Variants in HES6 observed in about 807,000 individuals in gnomAD.
HES6 encodes hes family bHLH transcription factor 6, also known as transcription cofactor HES-6.
In HES6, 24 loss-of-function variants were observed where a neutral mutation model predicts 16.4. The observed-to-expected ratio is 1.46, with a 90% confidence interval of 1.06 to 2.06. The LOEUF (loss-of-function observed/expected upper bound fraction) is 2.06. Ranked by LOEUF, HES6 falls within the 30% of genes most tolerant of loss-of-function variation. HES6 has a pLI of 0.00. For missense variants in HES6, 355 were observed against 317.6 expected (o/e 1.12, Z -0.90); for synonymous variants, 159 against 144.3 (o/e 1.10, Z -0.73).
Position 238,239,527 on chromosome 2 carries a change from C to T in HES6, c.210G>A (p.Thr70=). 1.5e-6 allele frequency: 2 copies of T among 1,330,404 alleles called. No homozygotes were observed. Among genetic ancestry groups the T allele is most frequent in the Non-Finnish European group, 9.6e-7 (1 of 1,037,836 alleles). 82.4% of individuals were successfully genotyped at this position (1,330,404 alleles called of 1,614,324 possible). Residue 70 remains threonine, a synonymous_variant, in exon 3 of 4, where the codon ACG becomes ACA. Transcript: ENST00000272937. ...GCAGCACACCCTGGACCCGCCGCAC[C>T]GTCAGCTCCAGCACTTCGGCGTTCT... ...KLENAEVLEL[T]VRRVQGVLRG...
rs1053064491 is a variant in HES6, at chr2:238,239,595, C to G, written c.169-27G>C. ...TGCGCGGGCGGGAAGGGCGGTGAGC[C>G]GGCAGCGCGCTCCCGGACCCGCCCG... is the stretch of plus-strand genomic sequence containing the variant. On this transcript the variant is annotated intron_variant, in intron 2 of 3. Transcript: ENST00000272937. The G allele has an allele frequency of 1.6e-4, 185 of 1,190,268 alleles. No homozygotes were observed. In the African/African-American group the frequency reaches 2.7e-3, roughly 17 times the overall value. The allele number at this position is 1,190,268 out of a possible 1,614,324, so 73.7% of individuals were successfully genotyped here. A position where few individuals can be genotyped will look rare whatever the true frequency, so the allele number is the denominator to read the frequency against.
chr2:238,239,144 T>C lies in HES6; in HGVS notation c.358A>G (p.Thr120Ala), dbSNP rs1245379073. Residue 120 changes from threonine to alanine, a missense_variant, in exon 4 of 4, where the codon ACC becomes GCC. By Grantham distance (58) the Thr-to-Ala change is moderately conservative. Transcript: ENST00000272937. ...FVSTCQAIDA[T>A]VAAELLNHLL... ...TGGTTCAGGAGCTCGGCAGCGACGG[T>C]AGCGTCGATGGCCTGGCACGTGGAC... The C allele has an allele frequency of 1.9e-6, 3 of 1,612,566 alleles. No individual in the cohort carries two copies. The highest frequency in any genetic ancestry group is 1.3e-5 in the African/African-American group (1 of 75,054).
Position 238,239,469 on chromosome 2 carries a change from C to T in HES6, c.250+18G>A. 1.6e-6 allele frequency: 2 copies of T among 1,281,292 alleles called. No homozygotes were observed. Among genetic ancestry groups the T allele is most frequent in the Non-Finnish European group, 9.8e-7 (1 of 1,020,724 alleles). 79.4% of individuals were successfully genotyped at this position (1,281,292 alleles called of 1,614,324 possible). ...GGCGCCCGCGGCCGGCGCCCCCGCC[C>T]GCCCCGCCGCCACTCACCGCGCGCC... On this transcript the variant is annotated intron_variant, in intron 3 of 3. Transcript: ENST00000272937.
Position 238,238,892 on chromosome 2 carries a change from C to A in HES6, c.610G>T (p.Val204Leu). ...SQAPAEGPDL[V>L]PAALGSLTTA... ...GTCAGGCTGCCCAGGGCTGCGGGCA[C>A]CAAGTCGGGCCCCTCAGCAGGAGCC... The change falls in exon 4 of 4, where the codon GTG becomes TTG. Residue 204 changes from valine (V) to leucine (L), a missense_variant. Val to Leu is a conservative substitution (Grantham distance 32, BLOSUM62 1). Coordinates refer to ENST00000272937, the MANE Select transcript of HES6 (RefSeq NM_018645.6). 6.3e-7 allele frequency: 1 copy of A among 1,580,982 alleles called. No homozygotes were observed. The highest frequency in any genetic ancestry group is 2.3e-5 in the East Asian group (1 of 43,250).
chr2:238,239,611 G>GGGGGCCCCC, intron 2 of HES6, 43 bp from the exon 3 acceptor site: 11 of 1,135,622 alleles, frequency 9.7e-6, no homozygotes, highest in South Asian at 3.9e-5. Flanking sequence ...CGCGCTCCCG[G>GGGGGCCCCC]ACCCGCCCGC....
intron 2 of HES6, 43 bp from the exon 3 acceptor site, chr2:238,239,611 G>GGGGCCCC: frequency 2.8e-5 from 32 of 1,135,532 alleles, no homozygotes; most frequent in East Asian, 4.6e-5. Context: ...CGCGCTCCCG[G>GGGGCCCC]ACCCGCCCGC....
chr2:238,239,570 T>C lies in HES6; in HGVS notation c.169-2A>G, dbSNP rs1465623221. 2.4e-6 allele frequency: 3 copies of C among 1,238,322 alleles called. No individual in the cohort carries two copies. The highest frequency in any genetic ancestry group is 3.0e-6 in the Non-Finnish European group (3 of 988,870). 76.7% of individuals were successfully genotyped at this position (1,238,322 alleles called of 1,614,324 possible). A position where few individuals can be genotyped will look rare whatever the true frequency, so the allele number is the denominator to read the frequency against. On this transcript the variant is annotated splice_acceptor_variant, in intron 2 of 3. Coordinates refer to ENST00000272937, the MANE Select transcript of HES6 (RefSeq NM_018645.6). LOFTEE classifies it high-confidence loss of function. ...GGCGTTCTCCAGCTTGGCCTGCACC[T>C]GCGCGGGCGGGAAGGGCGGTGAGCC...
chr2:238,239,741 TC>T lies in HES6; in HGVS notation c.87del (p.Lys30SerfsTer40). 1 of 1,387,282 alleles carries T rather than the reference TC, an allele frequency of 7.2e-7. No homozygotes were observed. The highest frequency in any genetic ancestry group is 9.4e-7 in the Non-Finnish European group (1 of 1,063,382). 85.9% of individuals were successfully genotyped at this position (1,387,282 alleles called of 1,614,324 possible). A position where few individuals can be genotyped will look rare whatever the true frequency, so the allele number is the denominator to read the frequency against. ...CGCCGCTTCTTCTCCACCAGGGGCT[TC>T]CGGGCCTGCGGGGAGCGGGGCACTG... ...GWETRGDRKA[R>X]KPLVEKKRRA... On this transcript the variant is annotated frameshift_variant, in exon 2 of 4. Transcript: ENST00000272937. LOFTEE classifies it high-confidence loss of function.
chr2:238,238,980 G>A lies in HES6; in HGVS notation c.522C>T (p.Pro174=). ...GGAPGSPIPS[P]PGPGDDLCSD... is the part of the protein sequence containing the mutation. ...AGCACAGGTCGTCCCCAGGACCCGG[G>A]GGGCTGGGTATTGGGGATCCCGGAG... is the stretch of plus-strand genomic sequence containing the variant. The change falls in exon 4 of 4, where the codon CCC becomes CCT. Residue 174 remains proline, a synonymous_variant. Coordinates refer to ENST00000272937, the MANE Select transcript of HES6 (RefSeq NM_018645.6). The A allele has an allele frequency of 6.2e-7, 1 of 1,605,220 alleles. No individual in the cohort carries two copies. Among genetic ancestry groups the A allele is most frequent in the Non-Finnish European group, 8.5e-7 (1 of 1,177,566 alleles).
In HES6 at chr2:238,239,256, G is replaced by A. The variant is rs764624591; in HGVS notation, c.251-5C>T. 1.9e-5 allele frequency: 30 copies of A among 1,602,136 alleles called. No individual in the cohort carries two copies. Among genetic ancestry groups the A allele is most frequent in the Non-Finnish European group, 2.5e-5 (29 of 1,178,398 alleles). ...CCGCCTGCAGCTGCTCGCGCTCTGG[G>A]CCCGAGGGTGGGAGGGAGAGAGCCG... On this transcript the variant is annotated splice_region_variant and splice_polypyrimidine_tract_variant and intron_variant, in intron 3 of 3. Coordinates refer to ENST00000272937, the MANE Select transcript of HES6 (RefSeq NM_018645.6).
At position 238,238,359 on chromosome 2, in the gene HES6, G is replaced by C. The variant is rs1695209794; in HGVS notation, c.*468C>G. On this transcript the variant is annotated 3_prime_UTR_variant, in exon 4 of 4. Transcript: ENST00000272937. ...ACAAACTCAAGTGTGCTACAAACAA[G>C]ATGTACAGAGCATCACAGCTCTGGG... 1 of 175,812 alleles carries C rather than the reference G, an allele frequency of 5.7e-6. No homozygotes were observed. The highest frequency in any genetic ancestry group is 1.3e-4 in the South Asian group (1 of 7,426). 10.9% of individuals were successfully genotyped at this position (175,812 alleles called of 1,614,324 possible).
intron 2 of HES6, 29 bp from the exon 3 acceptor site, chr2:238,239,597 G>GCAGCGCGCTCCCGGACCCGC: frequency 8.4e-7 from 1 of 1,189,172 alleles, no homozygotes; most frequent in Non-Finnish European, 1.0e-6. Flanking sequence ...CGGTGAGCCG[G>GCAGCGCGCTCCCGGACCCGC]CAGCGCGCTC....
At chr2:238,239,612 ACCCG>A in intron 2 of HES6, 44 bp from the exon 3 acceptor site, 13 of 399,970 alleles carry the variant, frequency 3.3e-5, no homozygotes, top group South Asian at 1.9e-4. Context: ...GCGCTCCCGG[ACCCG>A]CCCGCCCGCC....
At position 238,239,951 on chromosome 2, in the gene HES6, G is replaced by A; in HGVS notation, c.-46C>T. ...GGCAGGGGCTAGGAGCAGCGGGGACGGGGAGCGGCGGGGACCGGAGTGCCG... is the reference window on the plus strand; with the variant it reads ...GGCAGGGGCTAGGAGCAGCGGGGACAGGGAGCGGCGGGGACCGGAGTGCCG... On this transcript the variant is annotated 5_prime_UTR_variant, in exon 1 of 4. Transcript: ENST00000272937. The A allele has an allele frequency of 1.8e-6, 2 of 1,140,944 alleles. No homozygotes were observed. The highest frequency in any genetic ancestry group is 3.7e-5 in the East Asian group (1 of 27,020). The allele number at this position is 1,140,944 out of a possible 1,614,324, so 70.7% of individuals were successfully genotyped here. A position where few individuals can be genotyped will look rare whatever the true frequency, so the allele number is the denominator to read the frequency against.
In HES6 at chr2:238,239,915, G is replaced by A. The variant is rs897811229; in HGVS notation, c.-10C>T. ...CCGCGGGTGGCGCCATGCCCGCTCCGCCGGGGACGCGGCAGGGGCTAGGAG... is the reference window on the plus strand; with the variant it reads ...CCGCGGGTGGCGCCATGCCCGCTCCACCGGGGACGCGGCAGGGGCTAGGAG... On this transcript the variant is annotated 5_prime_UTR_variant, in exon 1 of 4. Coordinates refer to ENST00000272937, the MANE Select transcript of HES6 (RefSeq NM_018645.6). 4 of 1,204,234 alleles carry A rather than the reference G, an allele frequency of 3.3e-6. No homozygotes were observed. Among genetic ancestry groups the A allele is most frequent in the South Asian group, 4.0e-5 (1 of 25,180 alleles). 74.6% of individuals were successfully genotyped at this position (1,204,234 alleles called of 1,614,324 possible). A position where few individuals can be genotyped will look rare whatever the true frequency, so the allele number is the denominator to read the frequency against.
At position 238,239,845 on chromosome 2, in the gene HES6, C is replaced by A; in HGVS notation, c.61G>T (p.Glu21Ter). 7.2e-7 allele frequency: 1 copy of A among 1,385,086 alleles called. No homozygotes were observed. The highest frequency in any genetic ancestry group is 3.1e-5 in the East Asian group (1 of 32,710). 85.8% of individuals were successfully genotyped at this position (1,385,086 alleles called of 1,614,324 possible). The change falls in exon 1 of 4, where the codon GAG (glutamate) becomes TAG (stop). Residue 21 changes from glutamate to a stop codon, truncating the protein, a stop_gained. Coordinates refer to ENST00000272937, the MANE Select transcript of HES6 (RefSeq NM_018645.6). LOFTEE classifies it high-confidence loss of function. ...CGCACCTTGCGGTCCCCTCGCGTCTCCCAGCCGTCCTCATCCTCACGGCCC... is the reference window on the plus strand; with the variant it reads ...CGCACCTTGCGGTCCCCTCGCGTCTACCAGCCGTCCTCATCCTCACGGCCC... ...RVGREDEDGW[E>*]TRGDRKARKP...
chr2:238,239,770 TC>T, intron 1 of HES6, 23 bp from the exon 2 acceptor site: 1 of 1,400,838 alleles, frequency 7.1e-7, no homozygotes, highest in Non-Finnish European at 9.3e-7. Flanking sequence ...GGGCACTGAA[TC>T]CCAGCCCCGC....
rs1349813499 is a variant in HES6, at chr2:238,238,705, A to AG, written c.*121dup. 4 of 967,358 alleles carry AG rather than the reference A, an allele frequency of 4.1e-6. No homozygotes were observed. The highest frequency in any genetic ancestry group is 6.1e-6 in the Non-Finnish European group (4 of 654,990). The allele number at this position is 967,358 out of a possible 1,614,324, so 59.9% of individuals were successfully genotyped here. ...GGCTGCCCTGCAAGCCATCCATCAG[A>AG]GGAGGGAGGGAAGACCTGGGAGACT... On this transcript the variant is annotated 3_prime_UTR_variant, in exon 4 of 4. Transcript: ENST00000272937.
rs996131181 is a variant in HES6, at chr2:238,238,377, G to C, written c.*450C>G. On this transcript the variant is annotated 3_prime_UTR_variant, in exon 4 of 4. Transcript: ENST00000272937. Reference sequence around the variant, plus strand: ...CAAACAAGATGTACAGAGCATCACAGCTCTGGGCAGTGCAGCTCAGTGCAC... The same window carrying C: ...CAAACAAGATGTACAGAGCATCACACCTCTGGGCAGTGCAGCTCAGTGCAC... 4.6e-6 allele frequency: 1 copy of C among 216,694 alleles called. No individual in the cohort carries two copies. 13.4% of individuals were successfully genotyped at this position (216,694 alleles called of 1,614,324 possible). A position where few individuals can be genotyped will look rare whatever the true frequency, so the allele number is the denominator to read the frequency against.
Sources: allele counts gnomAD v4.1 joint callset, GRCh38; gene constraint gnomAD v4.1.1; transcripts MANE v1.5; gene names NCBI Gene and HGNC (gene_info 2026-07-23, HGNC 2026-07-21).